Variants in SUN3 observed in about 807,000 individuals in gnomAD.
SUN3 encodes Sad1 and UNC84 domain containing 3, also known as SUN domain-containing protein 3.
A neutral mutation model predicts 48.2 loss-of-function variants in SUN3; 36 were observed. The observed-to-expected ratio is 0.75, with a 90% CI of 0.57 to 0.99. The LOEUF is 0.99. Among genes scored for constraint, SUN3 ranks in the 50% least tolerant of loss-of-function variants. SUN3 has a pLI of 0.00. For missense variants in SUN3, 419 were observed against 433.1 expected, an observed-to-expected ratio of 0.97 and a Z score of 0.29; for synonymous variants, 148 against 147.9, an observed-to-expected ratio of 1.00 and a Z score of 0.00.
intron 3 of SUN3, among the ~76,000 whole-genome samples, chr7:48,014,475 T>C (rs993390072): frequency 6.6e-6 from 1 of 152,158 alleles, no homozygotes; most frequent in Non-Finnish European, 1.5e-5. Context: ...AGAGAGCTGG[T>C]AAAGAAATCG....
rs1790122749 is a variant in SUN3, at chr7:48,025,936, A to T, written c.125T>A (p.Val42Glu). The T allele has an allele frequency of 6.3e-7, 1 of 1,592,070 alleles. No individual in the cohort carries two copies. The highest frequency in any genetic ancestry group is 8.6e-7 in the Non-Finnish European group (1 of 1,164,608). Residue 42 changes from valine (V) to glutamate (E), a missense_variant and splice_region_variant, in exon 2 of 10, where the codon GTA becomes GAA. Physicochemically the swap from Val to Glu is moderately radical, Grantham distance 121. Transcript: ENST00000297325. Reference protein sequence around the residue: ...SEDENPDANGVTRSWKIILST... With the variant: ...SEDENPDANGETRSWKIILST... ...TAGAATAATCTTCCATGATCGAGTT[A>T]CCCTAAAAGAATAAAAACAATGATT...
intron 2 of SUN3, among the ~76,000 whole-genome samples, chr7:48,019,001 A>G: frequency 6.6e-6 from 1 of 152,214 alleles, no homozygotes; most frequent in East Asian, 1.9e-4. Flanking sequence ...AAGAAACCAA[A>G]TATAAACTCT....
At chr7:48,015,726 A>G (rs1209416415) in intron 3 of SUN3, among the ~76,000 whole-genome samples, 1 of 152,142 alleles carries the variant, frequency 6.6e-6, no homozygotes, top group Non-Finnish European at 1.5e-5. Flanking sequence ...TGCTGAAACC[A>G]CCTTTGCAAA....
At chr7:48,027,506 G>A (rs1790167731) in intron 1 of SUN3, among the ~76,000 whole-genome samples, 1 of 152,192 alleles carries the variant, frequency 6.6e-6, no homozygotes, top group Non-Finnish European at 1.5e-5. Flanking sequence ...GATGGGGAGG[G>A]AAGCTAAAAT....
intron 7 of SUN3, 92 bp downstream of exon 7, chr7:47,995,939 T>C (rs1583747646): frequency 1.3e-6 from 1 of 746,450 alleles, no homozygotes; most frequent in Non-Finnish European, 2.1e-6. Context: ...GACACTCTTA[T>C]ATTGCCTCCA....
Position 48,029,073 on chromosome 7 carries a change from G to A in SUN3, c.-135C>T. 3 of 1,276,020 alleles carry A rather than the reference G, an allele frequency of 2.4e-6. No individual in the cohort carries two copies. Among genetic ancestry groups the A allele is most frequent in the Admixed American group, 2.6e-5 (1 of 38,924 alleles). The allele number at this position is 1,276,020 out of a possible 1,614,324, so 79.0% of individuals were successfully genotyped here. A position where few individuals can be genotyped will look rare whatever the true frequency, so the allele number is the denominator to read the frequency against. ...TATAATGTCTTCTTCCTCCACGGGT[G>A]TTTCTTCTTGAAGACGGAATTTTGA... On this transcript the variant is annotated 5_prime_UTR_variant, in exon 1 of 10. Transcript: ENST00000297325.
intron 3 of SUN3, among the ~76,000 whole-genome samples, chr7:48,011,429 T>C (rs564800025): frequency 9.2e-5 from 14 of 152,372 alleles, no homozygotes; most frequent in African/African-American, 3.1e-4. Context: ...GCCTTGCTTT[T>C]GTTCTGAACA....
chr7:47,989,031 T>C, intron 8 of SUN3, 151 bp from the exon 9 acceptor site: 1 of 484,446 alleles, frequency 2.1e-6, no homozygotes, highest in East Asian at 3.1e-5. Context: ...CCAGAGGATA[T>C]TTAACAAGGG....
chr7:47,998,222 T>C lies in SUN3; in HGVS notation c.578-2076A>G, dbSNP rs577227556. Among the ~76,000 whole-genome samples the C allele has an allele frequency of 3.9e-5, 6 of 152,380 alleles. No individual in the cohort carries two copies. The East Asian group carries it at 1.2e-3, about 29-fold the overall frequency. ...GAGAGGTCCATTTTGTTCATGCGGT[T>C]GCCAGCACTTAGTATGGTCGGTTTT... On this transcript the variant is annotated intron_variant, in intron 6 of 9. Transcript: ENST00000297325.
chr7:48,022,985 C>A (rs1790041729), intron 2 of SUN3, among the ~76,000 whole-genome samples: 1 of 152,076 alleles, frequency 6.6e-6, no homozygotes, highest in Non-Finnish European at 1.5e-5. Context: ...TATGACTAGA[C>A]CAGCCCTTCA....
intron 4 of SUN3, 33 bp downstream of exon 4, chr7:48,009,001 CA>C (rs750116125): frequency 4.4e-6 from 7 of 1,598,486 alleles, no homozygotes; most frequent in Admixed American, 1.7e-5. Flanking sequence ...GAAACCACAC[CA>C]AAAAGAGGCA....
intron 6 of SUN3, among the ~76,000 whole-genome samples, chr7:47,997,060 A>G (rs1789234255): frequency 6.6e-6 from 1 of 152,118 alleles, no homozygotes; most frequent in Non-Finnish European, 1.5e-5. Context: ...TCGGCCTCCC[A>G]AAGTGCTGGG....
intron 8 of SUN3, among the ~76,000 whole-genome samples, chr7:47,991,527 C>T (rs1462215688): frequency 2.4e-5 from 1 of 41,902 alleles, no homozygotes; most frequent in Non-Finnish European, 6.4e-5. Context: ...GGCCCTCCTC[C>T]AGATGGGAAG....
upstream of SUN3, among the ~76,000 whole-genome samples, chr7:48,031,910 G>T (rs1210886204): frequency 6.7e-6 from 1 of 150,192 alleles, no homozygotes; most frequent in African/African-American, 2.5e-5. Context: ...AAAGAGAATG[G>T]AATATTATTC....
chr7:47,992,327 AGAAAAT>A (rs1789090132), intron 8 of SUN3, among the ~76,000 whole-genome samples: 1 of 152,262 alleles, frequency 6.6e-6, no homozygotes, highest in Admixed American at 6.5e-5. Context: ...AGCGAGCAGA[AGAAAAT>A]GAGACAAGCC....
chr7:48,025,853 G>C, intron 2 of SUN3, 24 bp downstream of exon 2: 1 of 1,510,734 alleles, frequency 6.6e-7, no homozygotes, highest in East Asian at 2.3e-5. Flanking sequence ...ATGGTTTTAA[G>C]GATCATTACT....
intron 7 of SUN3, among the ~76,000 whole-genome samples, 176 bp downstream of exon 7, chr7:47,995,850 CATAAA>C (rs1328738877): frequency 2.0e-5 from 3 of 151,986 alleles, no homozygotes; most frequent in African/African-American, 7.3e-5. Flanking sequence ...GTTTACTGAC[CATAAA>C]ATAAGACATA....
the SUN3 span, among the ~76,000 whole-genome samples, chr7:48,034,597 C>T: frequency 4.2e-4 from 64 of 152,294 alleles, no homozygotes; most frequent in African/African-American, 1.2e-3. Flanking sequence ...ATTATTTTTG[C>T]CAGGGTTGTA....
At position 48,029,077 on chromosome 7, in the gene SUN3, C is replaced by T. The variant is rs1001295147; in HGVS notation, c.-139G>A. ...ATGTCTTCTTCCTCCACGGGTGTTT[C>T]TTCTTGAAGACGGAATTTTGAAAAG... On this transcript the variant is annotated 5_prime_UTR_variant, in exon 1 of 10. Transcript: ENST00000297325. 2 of 1,249,614 alleles carry T rather than the reference C, an allele frequency of 1.6e-6. No homozygotes were observed. Among genetic ancestry groups the T allele is most frequent in the Non-Finnish European group, 2.2e-6 (2 of 909,362 alleles). The allele number at this position is 1,249,614 out of a possible 1,614,324, so 77.4% of individuals were successfully genotyped here. A position where few individuals can be genotyped will look rare whatever the true frequency, so the allele number is the denominator to read the frequency against.
Sources: allele counts gnomAD v4.1 joint callset (sites outside exome capture counted in the v4.1 genomes callset), GRCh38; gene constraint gnomAD v4.1.1; transcripts MANE v1.5; gene names NCBI Gene and HGNC (gene_info 2026-07-23, HGNC 2026-07-21).